Variants in BBX observed in about 807,000 individuals in gnomAD.
The protein encoded by BBX is BBX high mobility group box domain containing.
Under a neutral mutation model 100.2 loss-of-function variants are expected in BBX, and 30 were observed. That is an observed-to-expected ratio of 0.30 (90% CI 0.22 to 0.41). The LOEUF (loss-of-function observed/expected upper bound fraction) is 0.41. Ranked by LOEUF, BBX falls within the 10% of genes least tolerant of loss-of-function variation. The pLI is 1.00. For missense variants in BBX, 1,023 were observed against 1,129.8 expected (o/e 0.91, Z 1.35); for synonymous variants, 376 against 388.1 (o/e 0.97, Z 0.37).
chr3:107,670,770 A>C (rs2058979549), intron 3 of BBX, among the ~76,000 whole-genome samples: 1 of 152,088 alleles, frequency 6.6e-6, no homozygotes, highest in African/African-American at 2.4e-5. Context: ...GGATCACTTT[A>C]ATGAATAATA....
intron 8 of BBX, among the ~76,000 whole-genome samples, chr3:107,747,706 T>G (rs1576616994): frequency 1.3e-5 from 2 of 152,140 alleles, no homozygotes; most frequent in Admixed American, 1.3e-4. Context: ...CCTTAACTGC[T>G]GTTTGATATA....
At chr3:107,594,899 G>A (rs1216732809) in intron 2 of BBX, among the ~76,000 whole-genome samples, 1 of 152,106 alleles carries the variant, frequency 6.6e-6, no homozygotes, top group Non-Finnish European at 1.5e-5. Context: ...AAAAGATGAG[G>A]CAATTGAGGC....
chr3:107,659,814 C>G (rs2107849414), intron 3 of BBX: 1 of 1,144,832 alleles, frequency 8.7e-7, no homozygotes, highest in Non-Finnish European at 1.2e-6. Flanking sequence ...TTTAGTGAGA[C>G]TAGAAATGCT....
chr3:107,654,008 A>G (rs1005641800), intron 3 of BBX, among the ~76,000 whole-genome samples: 8 of 152,198 alleles, frequency 5.3e-5, no homozygotes, highest in African/African-American at 1.9e-4. Flanking sequence ...CCATGCCTTC[A>G]ATAGAGTTTT....
chr3:107,572,835 C>G (rs1219218802), intron 2 of BBX, among the ~76,000 whole-genome samples: 1 of 152,094 alleles, frequency 6.6e-6, no homozygotes, highest in African/African-American at 2.4e-5. Context: ...GTGAGCCACC[C>G]TCTTTGTTAA....
chr3:107,705,948 T>G (rs1200185474), intron 3 of BBX, among the ~76,000 whole-genome samples: 2 of 152,064 alleles, frequency 1.3e-5, no homozygotes, highest in Non-Finnish European at 2.9e-5. Flanking sequence ...TACTCTTTCC[T>G]TCTAAAATCT....
intron 15 of BBX, among the ~76,000 whole-genome samples, chr3:107,795,272 T>C (rs1477753224): frequency 6.6e-6 from 1 of 152,142 alleles, no homozygotes; most frequent in African/African-American, 2.4e-5. Context: ...AGATCTACTG[T>C]TTTGTTCCAG....
At chr3:107,575,873 A>G (rs1298445727) in intron 2 of BBX, among the ~76,000 whole-genome samples, 4 of 152,272 alleles carry the variant, frequency 2.6e-5, no homozygotes, top group Middle Eastern at 3.4e-3. Flanking sequence ...ATGTTTGACA[A>G]TGTAAAATGT....
intron 2 of BBX, among the ~76,000 whole-genome samples, chr3:107,576,906 G>T (rs1031302534): frequency 6.6e-6 from 1 of 151,894 alleles, no homozygotes; most frequent in Non-Finnish European, 1.5e-5. Context: ...CTGTCTCCAG[G>T]CTGTAGTGCA....
intron 2 of BBX, among the ~76,000 whole-genome samples, chr3:107,583,627 T>C (rs2052448164): frequency 6.6e-6 from 1 of 151,594 alleles, no homozygotes; most frequent in Non-Finnish European, 1.5e-5. Context: ...ATACAATAAA[T>C]TATTAACTAT....
chr3:107,607,221 C>T (rs187069955), intron 2 of BBX, among the ~76,000 whole-genome samples: 52 of 152,110 alleles, frequency 3.4e-4, no homozygotes, highest in Admixed American at 7.2e-4. Flanking sequence ...CTCAGCCTCC[C>T]GAGTAGCTGG....
chr3:107,804,216 A>C (rs183781998), intron 17 of BBX, among the ~76,000 whole-genome samples: 2 of 152,312 alleles, frequency 1.3e-5, no homozygotes, highest in East Asian at 3.9e-4. Flanking sequence ...ATTTGTCTAC[A>C]TTATTTTTCT....
At chr3:107,636,195 C>T (rs1024959944) in intron 2 of BBX, among the ~76,000 whole-genome samples, 9 of 152,128 alleles carry the variant, frequency 5.9e-5, no homozygotes, top group Non-Finnish European at 1.0e-4. Flanking sequence ...GTGGCCAAGC[C>T]TGGGTGATAT....
intron 2 of BBX, among the ~76,000 whole-genome samples, chr3:107,615,275 A>G (rs949217491): frequency 1.3e-5 from 2 of 152,236 alleles, no homozygotes; most frequent in African/African-American, 4.8e-5. Context: ...ACCAGACACC[A>G]GCTTGAGCAT....
At position 107,710,329 on chromosome 3, in the gene BBX, A is replaced by G. The variant is rs973859327; in HGVS notation, c.-9-123A>G. ...AGCTGATAGTATAGTCATTAAAATT[A>G]TAATCTAATTAATCCTAAAGGGAGC... On this transcript the variant is annotated intron_variant, in intron 3 of 17. Transcript: ENST00000325805. 1.1e-5 allele frequency: 8 copies of G among 728,916 alleles called. No homozygotes were observed. In the African/African-American group the frequency reaches 1.4e-4, roughly 13 times the overall value. The allele number at this position is 728,916 out of a possible 1,614,324, so 45.2% of individuals were successfully genotyped here.
At chr3:107,585,736 A>G (rs1446023288) in intron 2 of BBX, among the ~76,000 whole-genome samples, 4 of 152,218 alleles carry the variant, frequency 2.6e-5, no homozygotes, top group Non-Finnish European at 5.9e-5. Context: ...TAGTCCTAGA[A>G]TAGGAAACTT....
intron 10 of BBX, among the ~76,000 whole-genome samples, chr3:107,760,602 G>A (rs1020691162): frequency 2.0e-5 from 3 of 152,168 alleles, no homozygotes; most frequent in African/African-American, 4.8e-5. Flanking sequence ...ATCATGCAAG[G>A]AAATGATGAA....
chr3:107,707,963 T>C (rs1321946552), intron 3 of BBX, among the ~76,000 whole-genome samples: 1 of 152,232 alleles, frequency 6.6e-6, no homozygotes, highest in Non-Finnish European at 1.5e-5. Context: ...AGAAGTTGCC[T>C]TACTTACAGT....
At chr3:107,776,642 A>C (rs1330179174) in intron 12 of BBX, among the ~76,000 whole-genome samples, 1 of 152,128 alleles carries the variant, frequency 6.6e-6, no homozygotes, top group Admixed American at 6.6e-5. Context: ...CTACCTGTTA[A>C]CTGTAGCCAA....
Sources: gnomAD v4.1 joint callset for allele counts (sites outside exome capture counted in the v4.1 genomes callset) on GRCh38, gnomAD v4.1.1 for gene constraint, MANE v1.5 for transcripts, NCBI Gene and HGNC (gene_info 2026-07-23, HGNC 2026-07-21) for gene names.